The following KY variants were observed in gnomAD, a reference collection of about 807,000 sequenced individuals.
KY encodes kyphoscoliosis peptidase.
KY carries 43 observed loss-of-function variants against 76.1 expected under a neutral mutation model. The observed-to-expected ratio is 0.57, with a 90% CI of 0.44 to 0.73. KY has a LOEUF of 0.73. Ranked by LOEUF, KY falls within the 30% of genes least tolerant of loss-of-function variation. The probability of loss-of-function intolerance (pLI) is 0.00; values close to 1 mark genes in which losing one functional copy is unlikely to be tolerated. For missense variants in KY, 722 were observed against 828.9 expected (o/e 0.87, Z 1.58); for synonymous variants, 277 against 326.2 (o/e 0.85, Z 1.63).
intron 10 of KY, chr3:134,607,357 G>T: frequency 5.1e-6 from 5 of 985,560 alleles, no homozygotes; most frequent in Non-Finnish European, 4.8e-6. Flanking sequence ...GGGGACACCT[G>T]TGCTCCCCGC....
intron 8 of KY, chr3:134,610,626 T>A: frequency 2.2e-6 from 1 of 464,094 alleles, no homozygotes; most frequent in South Asian, 3.5e-5. Context: ...CGCTGTCTGC[T>A]CCTCCCCTGA....
chr3:134,625,976 C>T (rs978812107), intron 5 of KY, among the ~76,000 whole-genome samples: 6 of 152,250 alleles, frequency 3.9e-5, no homozygotes, highest in Admixed American at 1.3e-4. Context: ...TCAGCTATTG[C>T]TGGGAGGCTG....
intron 3 of KY, among the ~76,000 whole-genome samples, chr3:134,631,121 T>C (rs1007583888): frequency 1.3e-5 from 2 of 152,192 alleles, no homozygotes; most frequent in East Asian, 1.9e-4. Context: ...AGTCACATCA[T>C]TGAAGTCTCA....
chr3:134,641,713 C>A (rs772265916), intron 3 of KY, among the ~76,000 whole-genome samples: 5 of 152,164 alleles, frequency 3.3e-5, no homozygotes, highest in African/African-American at 1.2e-4. Context: ...TATACAACCC[C>A]GCACAGCCCC....
At chr3:134,620,393 G>A in intron 7 of KY, among the ~76,000 whole-genome samples, 1 of 152,124 alleles carries the variant, frequency 6.6e-6, no homozygotes, top group Admixed American at 6.5e-5. Flanking sequence ...CCCCACCAAT[G>A]GTAATCCTTC....
chr3:134,637,366 T>C (rs1965115462), intron 3 of KY, among the ~76,000 whole-genome samples: 3 of 152,244 alleles, frequency 2.0e-5, no homozygotes, highest in Admixed American at 6.5e-5. Flanking sequence ...CTGAGGTGTC[T>C]TTTAAAGTGA....
chr3:134,611,432 C>T (rs747057617), intron 8 of KY, among the ~76,000 whole-genome samples: 2 of 152,252 alleles, frequency 1.3e-5, no homozygotes, highest in East Asian at 1.9e-4. Context: ...CCCCTGAGGA[C>T]AGCCAAGGGG....
chr3:134,639,039 T>C (rs1459677329), intron 3 of KY, among the ~76,000 whole-genome samples: 4 of 83,644 alleles, frequency 4.8e-5, no homozygotes, highest in Non-Finnish European at 9.6e-5. Flanking sequence ...GGTTGGCACA[T>C]TTACAGCCTT....
intron 3 of KY, among the ~76,000 whole-genome samples, chr3:134,637,011 C>CA (rs1458807754): frequency 2.6e-5 from 4 of 152,278 alleles, no homozygotes; most frequent in East Asian, 3.9e-4. Flanking sequence ...CATAGAATAA[C>CA]AATACTGTCT....
chr3:134,644,825 C>CA (rs1383465217), intron 2 of KY, among the ~76,000 whole-genome samples: 2 of 152,242 alleles, frequency 1.3e-5, no homozygotes, highest in African/African-American at 4.8e-5. Context: ...CTGCCTCCTC[C>CA]AGCCTTCTCC....
At chr3:134,626,207 C>A (rs1373853122) in intron 5 of KY, among the ~76,000 whole-genome samples, 1 of 152,222 alleles carries the variant, frequency 6.6e-6, no homozygotes, top group Non-Finnish European at 1.5e-5. Flanking sequence ...TGGACCCACC[C>A]ACCTTCAGCC....
chr3:134,609,018 G>T (rs1959794534), intron 9 of KY, among the ~76,000 whole-genome samples, 179 bp from the exon 10 acceptor site: 1 of 152,172 alleles, frequency 6.6e-6, no homozygotes, highest in South Asian at 2.1e-4. Flanking sequence ...GTCAAGGCAG[G>T]GTCTGAGGTC....
chr3:134,650,750 C>G (rs1248082940), intron 1 of KY, 75 bp downstream of exon 1: 1 of 1,366,688 alleles, frequency 7.3e-7, no homozygotes, highest in Non-Finnish European at 9.7e-7. Flanking sequence ...ATGGGCGCCC[C>G]CCGGCGGGCA....
chr3:134,625,170 A>G, intron 5 of KY, 35 bp from the exon 6 acceptor site: 1 of 1,551,146 alleles, frequency 6.4e-7, no homozygotes, highest in Non-Finnish European at 8.8e-7. Context: ...AGCAGCTGAG[A>G]CCCACTGAAG....
rs371963154 is a variant in KY, at chr3:134,650,924, C to T, written c.37G>A (p.Asp13Asn). The T allele has an allele frequency of 1.2e-6, 2 of 1,613,326 alleles. No homozygotes were observed. Among genetic ancestry groups the T allele is most frequent in the Non-Finnish European group, 1.7e-6 (2 of 1,179,520 alleles). The stretch of plus-strand genomic sequence containing the variant: ...TCCGAGTGCACGATCAGCAGCATGT[C>T]GATAGATACAGCGTTGATGTCCTTC... ...LKKDINAVSI[D>N]MLLIVHSEKR... The change falls in exon 1 of 11, where the codon GAC becomes AAC. Residue 13 changes from aspartate (D) to asparagine (N), a missense_variant. By Grantham distance (23) the Asp-to-Asn change is conservative (BLOSUM62 1). Around this residue, in one of 2 missense-constraint regions of KY, gnomAD observed 170 missense variants for 148.1 expected, o/e 1.15. Transcript: ENST00000423778.
At chr3:134,607,213 T>C in intron 10 of KY, 3 of 985,486 alleles carry the variant, frequency 3.0e-6, no homozygotes, top group Non-Finnish European at 3.6e-6. Context: ...ATTCTCAAAT[T>C]GAGCAACTTC....
chr3:134,608,554 A>G, intron 10 of KY, 95 bp downstream of exon 10: 8 of 1,609,518 alleles, frequency 5.0e-6, no homozygotes, highest in Non-Finnish European at 6.8e-6. Flanking sequence ...CTGGAAGGGC[A>G]TGCCTTGAAA....
At chr3:134,645,773 T>TC (rs1966374760) in intron 2 of KY, among the ~76,000 whole-genome samples, 1 of 152,224 alleles carries the variant, frequency 6.6e-6, no homozygotes, top group South Asian at 2.1e-4. Flanking sequence ...TCATCTTCTA[T>TC]CAGCTGACAC....
Position 134,603,791 on chromosome 3 carries a change from T to C in KY, c.1774A>G (p.Asn592Asp). The C allele has an allele frequency of 6.2e-7, 1 of 1,613,394 alleles. No homozygotes were observed. The highest frequency in any genetic ancestry group is 8.5e-7 in the Non-Finnish European group (1 of 1,179,464). ...LEPLSGVLPA[N>D]RNVPFKLKLH... is the part of the protein sequence containing the mutation. ...TTCAATTTGAATGGGACATTCCGGT[T>C]GGCAGGAAGCACACCTGACAGAGGT... Residue 592 changes from asparagine to aspartate, a missense_variant, in exon 11 of 11, where the codon AAC becomes GAC. Physicochemically the swap from Asn to Asp is conservative, Grantham distance 23. Around this residue, in one of 2 missense-constraint regions of KY, gnomAD observed 552 missense variants for 680.9 expected, o/e 0.81. Transcript: ENST00000423778.
Sources: gnomAD v4.1 joint callset for allele counts (sites outside exome capture counted in the v4.1 genomes callset) on GRCh38, gnomAD v4.1.1 for gene constraint, gnomAD v4.1.1 regional missense constraint, MANE v1.5 for transcripts, NCBI Gene and HGNC (gene_info 2026-07-23, HGNC 2026-07-21) for gene names.